The following PRMT3 variants were observed in gnomAD, a reference collection of about 807,000 sequenced individuals.
The protein encoded by PRMT3 is protein arginine N-methyltransferase 3.
Under a neutral mutation model 71.9 loss-of-function variants are expected in PRMT3, and 62 were observed. The observed-to-expected ratio is 0.86, with a 90% CI of 0.70 to 1.07. PRMT3 has a LOEUF of 1.07. PRMT3 is among the 50% of genes least tolerant of loss of function. The pLI is 0.00. For missense variants in PRMT3, 663 were observed against 643.0 expected, an observed-to-expected ratio of 1.03 and a Z score of -0.34; for synonymous variants, 213 against 220.4, an observed-to-expected ratio of 0.97 and a Z score of 0.30.
At chr11:20,469,503 A>C (rs1200593753) in intron 13 of PRMT3, among the ~76,000 whole-genome samples, 2 of 152,222 alleles carry the variant, frequency 1.3e-5, no homozygotes, top group Non-Finnish European at 2.9e-5. Flanking sequence ...GAAAATAGTT[A>C]AGATGGATTT....
At chr11:20,478,996 A>G (rs768618910) in intron 13 of PRMT3, among the ~76,000 whole-genome samples, 2 of 152,240 alleles carry the variant, frequency 1.3e-5, no homozygotes, top group Non-Finnish European at 2.9e-5. Flanking sequence ...TGTGCTGCTT[A>G]GAAATAGTAA....
chr11:20,480,307 T>C (rs1850899287), intron 13 of PRMT3, among the ~76,000 whole-genome samples: 1 of 152,196 alleles, frequency 6.6e-6, no homozygotes, highest in Non-Finnish European at 1.5e-5. Context: ...TCTGTGTGTG[T>C]ATGTGTGTTC....
chr11:20,442,187 A>G (rs1194483004), intron 10 of PRMT3, among the ~76,000 whole-genome samples: 1 of 152,136 alleles, frequency 6.6e-6, no homozygotes, highest in East Asian at 1.9e-4. Flanking sequence ...AATGTATCTC[A>G]TAAGAAATGT....
chr11:20,438,110 CTG>C (rs1849802909), intron 10 of PRMT3, among the ~76,000 whole-genome samples: 1 of 152,120 alleles, frequency 6.6e-6, no homozygotes, highest in Non-Finnish European at 1.5e-5. Context: ...GATTCACCCT[CTG>C]TGGCAGGGTT....
rs139798474 is a variant in PRMT3 at position 20,492,651 on chromosome 11, TA to T, written c.1348-1263del. On this transcript the variant is annotated intron_variant, in intron 13 of 15. Coordinates refer to ENST00000331079, the MANE Select transcript of PRMT3 (RefSeq NM_005788.4). ...TCTAAGCTTAATGTAATGCCAGCTT[TA>T]AAAAGTGATTAAGTCCAGCTAGTTC... Among the ~76,000 whole-genome samples the T allele has an allele frequency of 9.5e-3, 1,452 of 152,300 alleles. 31 individuals are homozygous for T. Among genetic ancestry groups the T allele is most frequent in the African/African-American group, 0.034 (1,401 of 41,560 alleles).
intron 7 of PRMT3, among the ~76,000 whole-genome samples, chr11:20,398,155 AATAG>A (rs1848871917): frequency 2.0e-5 from 3 of 152,182 alleles, no homozygotes; most frequent in South Asian, 2.1e-4. Context: ...GCAGCTATTA[AATAG>A]GAACAATTAG....
intron 9 of PRMT3, among the ~76,000 whole-genome samples, chr11:20,424,727 A>T (rs992387969): frequency 2.0e-5 from 3 of 152,228 alleles, no homozygotes; most frequent in Admixed American, 6.5e-5. Flanking sequence ...CATTTAAAAA[A>T]TTAAGAACCA....
At chr11:20,409,097 C>CA (rs1171167266) in intron 9 of PRMT3, among the ~76,000 whole-genome samples, 4 of 151,456 alleles carry the variant, frequency 2.6e-5, no homozygotes, top group Non-Finnish European at 5.9e-5. Flanking sequence ...ACACTTTCTC[C>CA]AAAAAAAATT....
intron 10 of PRMT3, among the ~76,000 whole-genome samples, chr11:20,437,192 A>G (rs1192343281): frequency 6.6e-6 from 1 of 150,692 alleles, no homozygotes; most frequent in Admixed American, 6.6e-5. Context: ...TGGTGTGTCA[A>G]TTTTGCTTAT....
intron 10 of PRMT3, among the ~76,000 whole-genome samples, chr11:20,430,016 A>C (rs772834004): frequency 1.3e-5 from 2 of 152,224 alleles, no homozygotes; most frequent in Non-Finnish European, 2.9e-5. Flanking sequence ...TATGCTTTCT[A>C]AACTTTATCC....
intron 13 of PRMT3, among the ~76,000 whole-genome samples, chr11:20,480,136 A>C (rs1178718801): frequency 6.6e-6 from 1 of 152,144 alleles, no homozygotes; most frequent in African/African-American, 2.4e-5. Context: ...TGGACATCAG[A>C]ATAGTGGTTA....
At chr11:20,442,212 GT>G (rs565619561) in intron 10 of PRMT3, among the ~76,000 whole-genome samples, 56 of 145,374 alleles carry the variant, frequency 3.9e-4, no homozygotes, top group African/African-American at 6.8e-4. Context: ...TCAAAATATT[GT>G]TTTTTTTTTT....
chr11:20,475,373 C>CAATACAA (rs1434306407), intron 13 of PRMT3, among the ~76,000 whole-genome samples: 6 of 152,148 alleles, frequency 3.9e-5, no homozygotes, highest in Admixed American at 6.5e-5. Context: ...CAGTCAGTCC[C>CAATACAA]AATACAAGAA....
At chr11:20,499,702 GTGAGA>G (rs1851413874) in intron 15 of PRMT3, among the ~76,000 whole-genome samples, 1 of 152,120 alleles carries the variant, frequency 6.6e-6, no homozygotes, top group Non-Finnish European at 1.5e-5. Flanking sequence ...AAAACAAATG[GTGAGA>G]TGATAGACTT....
intron 10 of PRMT3, among the ~76,000 whole-genome samples, chr11:20,451,029 A>G (rs967968500): frequency 1.3e-5 from 2 of 152,104 alleles, no homozygotes; most frequent in African/African-American, 4.8e-5. Context: ...GGGGGGTTGG[A>G]CCCTAGAAGG....
At chr11:20,409,142 A>G (rs539999662) in intron 9 of PRMT3, among the ~76,000 whole-genome samples, 1 of 152,180 alleles carries the variant, frequency 6.6e-6, no homozygotes, top group Non-Finnish European at 1.5e-5. Context: ...TTTTCTGATT[A>G]GTTTAAAAAT....
At position 20,402,956 on chromosome 11, in the gene PRMT3, AC is replaced by A; in HGVS notation, c.745del (p.Gln249LysfsTer10). 1 of 1,607,218 alleles carries A rather than the reference AC, an allele frequency of 6.2e-7. No homozygotes were observed. The highest frequency in any genetic ancestry group is 8.5e-7 in the Non-Finnish European group (1 of 1,173,858). On this transcript the variant is annotated frameshift_variant, in exon 8 of 16. Transcript: ENST00000331079. LOFTEE classifies it high-confidence loss of function. Reference sequence around the variant, plus strand: ...ACAGAAAGCTACCGAGATTTCATATACCAAAATCCACATATCTTCAAAGACA... The same window carrying A: ...ACAGAAAGCTACCGAGATTTCATATACAAAATCCACATATCTTCAAAGACA... ...IRTESYRDFI[Y>X]QNPHIFKDKV...
chr11:20,503,963 A>T (rs576723339), intron 15 of PRMT3, among the ~76,000 whole-genome samples: 1 of 152,292 alleles, frequency 6.6e-6, no homozygotes, highest in South Asian at 2.1e-4. Context: ...TTGTGAATTC[A>T]GTTGTTCCAC....
chr11:20,464,498 A>AT lies in PRMT3; in HGVS notation c.1303dup (p.Ser435PhefsTer22). 6.2e-7 allele frequency: 1 copy of AT among 1,611,788 alleles called. No homozygotes were observed. On this transcript the variant is annotated frameshift_variant, in exon 13 of 16. Coordinates refer to ENST00000331079, the MANE Select transcript of PRMT3 (RefSeq NM_005788.4). LOFTEE classifies it high-confidence loss of function. ...ATACGACGTCTATCTCAGATTTGGA[A>AT]TTTTCATCAGATTTTACCCTGAAAA... is the stretch of plus-strand genomic sequence containing the variant.
Sources: gnomAD v4.1 joint callset for allele counts (sites outside exome capture counted in the v4.1 genomes callset) on GRCh38, gnomAD v4.1.1 for gene constraint, MANE v1.5 for transcripts, NCBI Gene and HGNC (gene_info 2026-07-23, HGNC 2026-07-21) for gene names.